Variants in TOX2 observed in about 807,000 individuals in gnomAD.
TOX2 encodes TOX high mobility group box family member 2.
A neutral mutation model predicts 47.4 loss-of-function variants in TOX2; 15 were observed. The observed-to-expected ratio is 0.32, with a 90% confidence interval of 0.21 to 0.49. TOX2 has a LOEUF of 0.49. Ranked by LOEUF, TOX2 falls within the 20% of genes least tolerant of loss-of-function variation. The probability of loss-of-function intolerance (pLI) is 0.99; values close to 1 mark genes in which losing one functional copy is unlikely to be tolerated. For missense variants in TOX2, 622 were observed against 673.1 expected, an observed-to-expected ratio of 0.92 and a Z score of 0.84; for synonymous variants, 290 against 296.6, an observed-to-expected ratio of 0.98 and a Z score of 0.23.
chr20:43,973,342 G>T (rs1433501134), intron 1 of TOX2, 25 bp from the exon 2 acceptor site: 4 of 1,612,406 alleles, frequency 2.5e-6, no homozygotes, highest in Non-Finnish European at 3.4e-6. Context: ...AATCAGAGCT[G>T]CTTCTCCCTC....
intron 1 of TOX2, among the ~76,000 whole-genome samples, chr20:43,941,429 A>G (rs751065434): frequency 6.0e-5 from 9 of 151,174 alleles, no homozygotes; most frequent in Non-Finnish European, 1.3e-4. Context: ...GCCTCCCAGG[A>G]TCGAGTGATG....
intron 2 of TOX2, among the ~76,000 whole-genome samples, chr20:43,977,086 C>T (rs1050224584): frequency 9.2e-5 from 14 of 152,194 alleles, no homozygotes; most frequent in Non-Finnish European, 2.1e-4. Flanking sequence ...AAAACATTTG[C>T]TTCCAGAACA....
chr20:44,051,349 G>T lies in TOX2; in HGVS notation c.455G>T (p.Gly152Val). The T allele has an allele frequency of 6.2e-7, 1 of 1,613,160 alleles. No homozygotes were observed. The highest frequency in any genetic ancestry group is 8.5e-7 in the Non-Finnish European group (1 of 1,179,406). Residue 152 changes from glycine to valine, a missense_variant, in exon 4 of 9, where the codon GGC becomes GTC. Physicochemically the swap from Gly to Val is moderately radical, Grantham distance 109. Around this residue, in one of 3 missense-constraint regions of TOX2, gnomAD observed 307 missense variants for 327.3 expected, o/e 0.94. Transcript: ENST00000341197. ...VHSEVAAYDS[G>V]RPGPLLGRPA... is the part of the protein sequence containing the mutation. ...TCGGAAGTGGCTGCCTATGACTCGGGCCGGCCCGGGCCCCTGCTGGGTCGC... is the reference window on the plus strand; with the variant it reads ...TCGGAAGTGGCTGCCTATGACTCGGTCCGGCCCGGGCCCCTGCTGGGTCGC...
chr20:43,995,249 T>C (rs1019177589), intron 2 of TOX2, among the ~76,000 whole-genome samples: 11 of 152,158 alleles, frequency 7.2e-5, no homozygotes, highest in African/African-American at 2.7e-4. Context: ...AAGATTCTAT[T>C]AAACATGTCT....
chr20:44,026,600 TA>T (rs2071072498), intron 3 of TOX2, among the ~76,000 whole-genome samples: 1 of 151,910 alleles, frequency 6.6e-6, no homozygotes, highest in South Asian at 2.1e-4. Context: ...ACCTCAAAAA[TA>T]AAATAAACCG....
intron 2 of TOX2, among the ~76,000 whole-genome samples, chr20:43,975,897 G>A (rs2070069500): frequency 6.6e-6 from 1 of 152,188 alleles, no homozygotes; most frequent in East Asian, 1.9e-4. Context: ...TGTAATGAGT[G>A]ATGGTAGCCC....
At chr20:44,065,204 C>T (rs1351948885) in intron 6 of TOX2, among the ~76,000 whole-genome samples, 1 of 152,176 alleles carries the variant, frequency 6.6e-6, no homozygotes, top group Non-Finnish European at 1.5e-5. Flanking sequence ...GGACACGCTA[C>T]CCCAAAATAT....
At chr20:44,015,893 C>T (rs552320325) in intron 3 of TOX2, among the ~76,000 whole-genome samples, 5 of 152,016 alleles carry the variant, frequency 3.3e-5, no homozygotes, top group African/African-American at 9.7e-5. Context: ...GTTTACAACT[C>T]GGTCATAAAA....
At chr20:43,957,010 G>A (rs1485741676) in intron 1 of TOX2, among the ~76,000 whole-genome samples, 1 of 152,152 alleles carries the variant, frequency 6.6e-6, no homozygotes, top group Non-Finnish European at 1.5e-5. Flanking sequence ...TTAGTCTGAT[G>A]TCCTTTTCAT....
intron 2 of TOX2, among the ~76,000 whole-genome samples, chr20:44,005,630 GA>G (rs756540250): frequency 1.3e-5 from 2 of 152,176 alleles, no homozygotes; most frequent in Non-Finnish European, 2.9e-5. Context: ...TCTACCATTA[GA>G]AAACCAAATT....
At chr20:43,953,223 C>T (rs889435657) in intron 1 of TOX2, among the ~76,000 whole-genome samples, 5 of 77,754 alleles carry the variant, frequency 6.4e-5, no homozygotes, top group Non-Finnish European at 1.2e-4. Flanking sequence ...CTTTCCAGAA[C>T]TGTAAGAGAA....
At chr20:43,963,695 A>G (rs2069801326) in intron 1 of TOX2, among the ~76,000 whole-genome samples, 1 of 152,244 alleles carries the variant, frequency 6.6e-6, no homozygotes, top group African/African-American at 2.4e-5. Context: ...AACATTTTTG[A>G]AGAATTGTTA....
chr20:43,980,496 G>T (rs751105061), intron 2 of TOX2, among the ~76,000 whole-genome samples: 1 of 152,152 alleles, frequency 6.6e-6, no homozygotes, highest in Non-Finnish European at 1.5e-5. Context: ...TAAAATAACT[G>T]AAAGAGTATA....
intron 3 of TOX2, among the ~76,000 whole-genome samples, chr20:44,043,155 A>T (rs910157329): frequency 6.6e-6 from 1 of 152,098 alleles, no homozygotes; most frequent in African/African-American, 2.4e-5. Context: ...GTTGGGGATG[A>T]GGGGATGAGG....
chr20:44,012,705 G>A (rs2070798573), intron 3 of TOX2, among the ~76,000 whole-genome samples: 1 of 152,128 alleles, frequency 6.6e-6, no homozygotes, highest in Admixed American at 6.5e-5. Context: ...TCACAAATAG[G>A]AAAATGGGTA....
intron 3 of TOX2, among the ~76,000 whole-genome samples, chr20:44,034,973 T>G (rs2071216847): frequency 6.6e-6 from 1 of 152,222 alleles, no homozygotes; most frequent in Admixed American, 6.5e-5. Flanking sequence ...TAGCCACCCC[T>G]TATCACCATT....
Position 44,068,745 on chromosome 20 carries a change from CT to C in TOX2, c.*60del, listed in dbSNP as rs771390607. On this transcript the variant is annotated 3_prime_UTR_variant, in exon 9 of 9. Coordinates refer to ENST00000341197, the MANE Select transcript of TOX2 (RefSeq NM_001098797.2). ...AAGGCACTGCTCAGAGCCTGAAGGG[CT>C]GACAGCAGAAAAGAGGCCCTGGCCA... 1 of 1,609,392 alleles carries C rather than the reference CT, an allele frequency of 6.2e-7. No individual in the cohort carries two copies. The highest frequency in any genetic ancestry group is 8.5e-7 in the Non-Finnish European group (1 of 1,176,994).
At position 43,994,696 on chromosome 20, in the gene TOX2, G is replaced by A. The variant is rs566407004; in HGVS notation, c.166-11851G>A. Among the ~76,000 whole-genome samples the A allele has an allele frequency of 9.0e-4, 137 of 152,226 alleles. No individual in the cohort carries two copies. The Middle Eastern group carries it at 0.027, about 30-fold the overall frequency. On this transcript the variant is annotated intron_variant, in intron 2 of 8. Transcript: ENST00000341197. ...TTCCAGAGCCTCCCCGTCCCTGCCC[G>A]GTGAATCACCCAGGATGCTGCTGAA...
chr20:43,930,074 A>T (rs2069233718), intron 1 of TOX2, among the ~76,000 whole-genome samples: 1 of 152,218 alleles, frequency 6.6e-6, no homozygotes, highest in Middle Eastern at 3.2e-3. Context: ...CCCCTTCAGG[A>T]TAATAAACTT....
Sources: allele counts gnomAD v4.1 joint callset (sites outside exome capture counted in the v4.1 genomes callset), GRCh38; gene constraint gnomAD v4.1.1; regional missense constraint gnomAD v4.1.1; transcripts MANE v1.5; gene names NCBI Gene and HGNC (gene_info 2026-07-23, HGNC 2026-07-21).